PCDHGB3: variants seen among roughly 807,000 people sequenced by gnomAD.
PCDHGB3 encodes protocadherin gamma subfamily B, 3, also known as protocadherin gamma-B3.
In PCDHGB3, 40 loss-of-function variants were observed where a neutral mutation model predicts 59.2. That is an observed-to-expected ratio of 0.68 (90% confidence interval 0.52 to 0.88). The LOEUF (loss-of-function observed/expected upper bound fraction) is 0.88, where lower values mean the gene tolerates loss of function less well. Among genes scored for constraint, PCDHGB3 ranks in the 40% least tolerant of loss-of-function variants. PCDHGB3 has a pLI of 0.00. For missense variants in PCDHGB3, 1,309 were observed against 1,187.9 expected, an observed-to-expected ratio of 1.10 and a Z score of -1.50; for synonymous variants, 581 against 503.6, an observed-to-expected ratio of 1.15 and a Z score of -2.06.
Position 141,489,363 on chromosome 5 carries a change from G to A in PCDHGB3, c.2416-5444G>A, listed in dbSNP as rs767837736. On this transcript the variant is annotated intron_variant, in intron 1 of 3. Transcript: ENST00000576222. This position sits in a 1 kb window ranked among gnomAD's most constrained non-coding sequence, Gnocchi z 4.5. ...ACTCAGTGGTGGAGGAGTCTGAGCC[G>A]GGGACGCTGGTGGGGAATGTTGCTC... 46 of 1,613,114 alleles carry A rather than the reference G, an allele frequency of 2.9e-5. 1 individual carries two copies. In the South Asian group the frequency reaches 3.4e-4, roughly 12 times the overall value.
At chr5:141,467,596 C>G (rs2099147035) in intron 1 of PCDHGB3, among the ~76,000 whole-genome samples, 1 of 152,202 alleles carries the variant, frequency 6.6e-6, no homozygotes, top group South Asian at 2.1e-4. Context: ...ATTTATTAAG[C>G]ACTTCATCTT....
intron 1 of PCDHGB3, among the ~76,000 whole-genome samples, chr5:141,469,671 A>G (rs1285283342): frequency 1.3e-5 from 2 of 152,236 alleles, no homozygotes; most frequent in Non-Finnish European, 2.9e-5. Flanking sequence ...TTCTAATAAA[A>G]CTACATATGC....
intron 1 of PCDHGB3, chr5:141,415,435 C>A: frequency 1.2e-6 from 2 of 1,614,202 alleles, no homozygotes; most frequent in Non-Finnish European, 8.5e-7. Context: ...TCGGGCTTTC[C>A]TGCAGACCTA....
Position 141,485,943 on chromosome 5 carries a change from C to CG in PCDHGB3, c.2416-8861dup, listed in dbSNP as rs1562109052. ...ATTAGTGTGTTGGAGAGCGCACCAG[C>CG]GGGCATGGTGCTCATCCAGCTCAAT... On this transcript the variant is annotated intron_variant, in intron 1 of 3. Coordinates refer to ENST00000576222, the MANE Select transcript of PCDHGB3 (RefSeq NM_018924.5). The surrounding 1 kb of genome is among the most constrained non-coding windows in gnomAD (Gnocchi z 5.7). The CG allele has an allele frequency of 1.2e-6, 2 of 1,614,126 alleles. No individual in the cohort carries two copies. Among genetic ancestry groups the CG allele is most frequent in the Non-Finnish European group, 1.7e-6 (2 of 1,180,012 alleles).
At chr5:141,386,476 G>A (rs2090588767) in intron 1 of PCDHGB3, among the ~76,000 whole-genome samples, 1 of 151,552 alleles carries the variant, frequency 6.6e-6, no homozygotes, top group African/African-American at 2.4e-5. Flanking sequence ...AAGAATTGGA[G>A]GCCCACCTAG....
chr5:141,379,354 C>T (rs995158490), intron 1 of PCDHGB3: 2 of 152,104 alleles, frequency 1.3e-5, no homozygotes, highest in African/African-American at 2.4e-5. Flanking sequence ...TTTCTTGTAT[C>T]TTTGTGATAT....
intron 1 of PCDHGB3, chr5:141,421,591 G>T: frequency 6.2e-7 from 1 of 1,613,874 alleles, no homozygotes; most frequent in Non-Finnish European, 8.5e-7. Context: ...CGGAGTGGAG[G>T]TGGAAATAAT....
chr5:141,418,064 A>T, intron 1 of PCDHGB3: 1 of 1,614,006 alleles, frequency 6.2e-7, no homozygotes, highest in Non-Finnish European at 8.5e-7. Flanking sequence ...GCTGCGAGTG[A>T]GCGCGGAGAA....
At chr5:141,488,578 G>A (rs1286219713) in intron 1 of PCDHGB3, among the ~76,000 whole-genome samples, 2 of 152,178 alleles carry the variant, frequency 1.3e-5, no homozygotes, top group Non-Finnish European at 2.9e-5. Flanking sequence ...AGCATTGCTG[G>A]AGAGTCAGGG....
intron 3 of PCDHGB3, chr5:141,506,955 C>T (rs1387377785): frequency 2.6e-5 from 4 of 152,362 alleles, no homozygotes; most frequent in South Asian, 2.1e-4. Context: ...AATGAATCCT[C>T]TCAATAGCTC....
At chr5:141,421,025 A>C (rs1047305594) in intron 1 of PCDHGB3, 4 of 526,168 alleles carry the variant, frequency 7.6e-6, no homozygotes, top group African/African-American at 5.9e-5. Context: ...GCTGCGCGCC[A>C]TTGAGTCCCT....
intron 1 of PCDHGB3, among the ~76,000 whole-genome samples, chr5:141,492,927 G>C (rs925569925): frequency 6.6e-6 from 1 of 152,180 alleles, no homozygotes; most frequent in Non-Finnish European, 1.5e-5. Context: ...AGCGATCTAG[G>C]GTCAGAGATT....
Position 141,487,562 on chromosome 5 carries a change from G to C in PCDHGB3, c.2416-7245G>C. The stretch of plus-strand genomic sequence containing the variant: ...GAAGTCACCCAGTGCACCTATGGCA[G>C]GGGAGCCTGTTCGCCCAAGCTGCCC... On this transcript the variant is annotated intron_variant, in intron 1 of 3. Coordinates refer to ENST00000576222, the MANE Select transcript of PCDHGB3 (RefSeq NM_018924.5). The surrounding 1 kb of genome is among the most constrained non-coding windows in gnomAD (Gnocchi z 5.0). The C allele has an allele frequency of 6.2e-7, 1 of 1,614,178 alleles. No homozygotes were observed.
chr5:141,375,865 G>A (rs1588782771), intron 1 of PCDHGB3: 1 of 1,613,976 alleles, frequency 6.2e-7, no homozygotes, highest in Non-Finnish European at 8.5e-7. Context: ...TGGTGGCGGT[G>A]GACAGAGACT....
At chr5:141,388,906 A>G (rs943139475) in intron 1 of PCDHGB3, 5 of 1,613,898 alleles carry the variant, frequency 3.1e-6, no homozygotes, top group African/African-American at 2.7e-5. Flanking sequence ...GAAAATGACA[A>G]CGCCCCAGAA....
chr5:141,401,429 G>A lies in PCDHGB3; in HGVS notation c.2415+28620G>A, dbSNP rs1305820458. ...AGAGAAAGAGAGAGACTGATTCACT[G>A]AACTTAGAAGGTCCAAATCATCCAA... On this transcript the variant is annotated intron_variant, in intron 1 of 3. Coordinates refer to ENST00000576222, the MANE Select transcript of PCDHGB3 (RefSeq NM_018924.5). Among the ~76,000 whole-genome samples the A allele has an allele frequency of 2.6e-5, 4 of 152,182 alleles. No homozygotes were observed. In the East Asian group the frequency reaches 7.7e-4, roughly 29 times the overall value.
chr5:141,454,894 G>A (rs1371368633), intron 1 of PCDHGB3, among the ~76,000 whole-genome samples: 2 of 126,736 alleles, frequency 1.6e-5, no homozygotes, highest in Non-Finnish European at 3.1e-5. Context: ...TGCTAGCACC[G>A]CCTCCCGGGT....
At chr5:141,376,676 G>GTTTTTTTTTTTTTTTTTTTTTTTTT in intron 1 of PCDHGB3, 1 of 275,812 alleles carries the variant, frequency 3.6e-6, no homozygotes, top group Non-Finnish European at 6.2e-6. Context: ...TGAGGGTATC[G>GTTTTTTTTTTTTTTTTTTTTTTTTT]TTTTTTTTTT....
chr5:141,418,928 A>G, intron 1 of PCDHGB3: 1 of 1,613,978 alleles, frequency 6.2e-7, no homozygotes, highest in Non-Finnish European at 8.5e-7. Context: ...TGATCAGATT[A>G]TGGAGGATTC....
Sources: gnomAD v4.1 joint callset for allele counts (sites outside exome capture counted in the v4.1 genomes callset) on GRCh38, gnomAD v4.1.1 for gene constraint, Gnocchi (gnomAD v3.1) non-coding constraint, MANE v1.5 for transcripts, NCBI Gene and HGNC (gene_info 2026-07-23, HGNC 2026-07-21) for gene names.